TAOK3: variants seen among roughly 807,000 people sequenced by gnomAD.
TAOK3 encodes TAO kinase 3.
Under a neutral mutation model 120.4 loss-of-function variants are expected in TAOK3, and 40 were observed. That is an observed-to-expected ratio of 0.33 (90% CI 0.26 to 0.43). TAOK3 has a LOEUF of 0.43. Ranked by LOEUF, TAOK3 falls within the 20% of genes least tolerant of loss-of-function variation. TAOK3 has a pLI of 1.00. For missense variants in TAOK3, 821 were observed against 1,112.1 expected, an observed-to-expected ratio of 0.74 and a Z score of 3.72; for synonymous variants, 355 against 387.5, an observed-to-expected ratio of 0.92 and a Z score of 0.99.
chr12:118,358,937 G>A (rs1443140428), intron 1 of TAOK3: 2 of 151,892 alleles, frequency 1.3e-5, no homozygotes, highest in Non-Finnish European at 1.5e-5. Flanking sequence ...GATCTCAAAC[G>A]CATGTCCTAT....
In TAOK3 at chr12:118,160,138, C is replaced by CTGGTTA; in HGVS notation, c.2352+7_2352+8insTAACCA. The CTGGTTA allele has an allele frequency of 3.1e-6, 5 of 1,611,792 alleles. No homozygotes were observed. Among genetic ancestry groups the CTGGTTA allele is most frequent in the Middle Eastern group, 3.3e-4 (2 of 6,060 alleles). On this transcript the variant is annotated splice_region_variant and intron_variant, in intron 19 of 20. Coordinates refer to ENST00000392533, the MANE Select transcript of TAOK3 (RefSeq NM_016281.4). The surrounding 1 kb of genome is among the most constrained non-coding windows in gnomAD (Gnocchi z 4.2). ...CTCGAAGCCGTGGCACCAAACCTAA[C>CTGGTTA]CACTTACCGCTTGAGAGGCCATCAT...
intron 14 of TAOK3, among the ~76,000 whole-genome samples, chr12:118,182,190 C>A (rs1430873914): frequency 6.6e-6 from 1 of 151,234 alleles, no homozygotes; most frequent in East Asian, 1.9e-4. Context: ...CAAAAAAAAA[C>A]AACAACAACA....
At chr12:118,170,448 C>T (rs1413079404) in intron 17 of TAOK3, among the ~76,000 whole-genome samples, 1 of 152,042 alleles carries the variant, frequency 6.6e-6, no homozygotes, top group Non-Finnish European at 1.5e-5. Context: ...CAATTTTAGC[C>T]ATATCACTGC....
intron 19 of TAOK3, among the ~76,000 whole-genome samples, chr12:118,156,823 T>A (rs1168375598): frequency 6.6e-6 from 1 of 151,952 alleles, no homozygotes; most frequent in Non-Finnish European, 1.5e-5. Flanking sequence ...CAACCTCTGC[T>A]GCCTCCTGGG....
intron 3 of TAOK3, among the ~76,000 whole-genome samples, chr12:118,247,547 C>T (rs574346912): frequency 2.4e-4 from 36 of 152,174 alleles, no homozygotes; most frequent in Non-Finnish European, 4.4e-4. Flanking sequence ...CAGGATCTTG[C>T]TCTGTCATCC....
At chr12:118,151,305 A>C in intron 20 of TAOK3, 147 bp from the exon 21 acceptor site, 2 of 605,750 alleles carry the variant, frequency 3.3e-6, no homozygotes, top group Non-Finnish European at 5.6e-6. Context: ...ACACACACAC[A>C]CACACACACA....
rs767980079 is a variant in TAOK3 at position 118,151,287 on chromosome 12, G to GCACACACACACA, written c.2536-130_2536-129insTGTGTGTGTGTG. ...AGGCACACACATGAAGTGCGCGCGC[G>GCACACACACACA]CGCACACACACACACACACACACAC... On this transcript the variant is annotated intron_variant, in intron 20 of 20. Transcript: ENST00000392533. The GCACACACACACA allele has an allele frequency of 4.6e-4, 221 of 477,012 alleles. 1 individual carries two copies. Among genetic ancestry groups the GCACACACACACA allele is most frequent in the East Asian group, 2.7e-3 (82 of 30,292 alleles). The allele number at this position is 477,012 out of a possible 1,614,324, so 29.5% of individuals were successfully genotyped here.
At position 118,159,982 on chromosome 12, in the gene TAOK3, T is replaced by C. The variant is rs1002362183; in HGVS notation, c.2352+164A>G. ...TAAGACACTCCAGCAAGTATCCACA[T>C]TGGCTTGGCTTTATTCAACGTCGTC... On this transcript the variant is annotated intron_variant, in intron 19 of 20. Transcript: ENST00000392533. 12 of 639,110 alleles carry C rather than the reference T, an allele frequency of 1.9e-5. No homozygotes were observed. The African/African-American group carries it at 2.0e-4, about 11-fold the overall frequency. 39.6% of individuals were successfully genotyped at this position (639,110 alleles called of 1,614,324 possible).
At chr12:118,344,019 A>AG (rs1220364358) in intron 1 of TAOK3, among the ~76,000 whole-genome samples, 5 of 151,748 alleles carry the variant, frequency 3.3e-5, no homozygotes, top group Non-Finnish European at 7.4e-5. Context: ...AAAAAAAAAA[A>AG]AAATCCACTA....
At chr12:118,173,279 C>T (rs753547942) in intron 16 of TAOK3, among the ~76,000 whole-genome samples, 22 of 152,042 alleles carry the variant, frequency 1.4e-4, no homozygotes, top group Non-Finnish European at 2.4e-4. Flanking sequence ...GCTGGTGTAA[C>T]GTAATATGAG....
intron 11 of TAOK3, among the ~76,000 whole-genome samples, chr12:118,206,887 A>ACG (rs2038348047): frequency 1.3e-5 from 2 of 151,828 alleles, no homozygotes; most frequent in African/African-American, 4.8e-5. Context: ...GAGCCACTGC[A>ACG]CCCGGCCTCC....
At chr12:118,352,846 G>A (rs2045233946) in intron 1 of TAOK3, among the ~76,000 whole-genome samples, 1 of 152,202 alleles carries the variant, frequency 6.6e-6, no homozygotes, top group South Asian at 2.1e-4. Flanking sequence ...AAGTAGCTGG[G>A]ATTACAGGTG....
intron 17 of TAOK3, among the ~76,000 whole-genome samples, chr12:118,166,833 C>A (rs1327457158): frequency 7.7e-6 from 1 of 129,652 alleles, no homozygotes; most frequent in African/African-American, 3.0e-5. Flanking sequence ...TATATACACA[C>A]ACACACACAC....
At chr12:118,335,732 TG>T (rs2044341950) in intron 1 of TAOK3, among the ~76,000 whole-genome samples, 1 of 152,056 alleles carries the variant, frequency 6.6e-6, no homozygotes, top group Non-Finnish European at 1.5e-5. Flanking sequence ...CTTGGGAGGC[TG>T]AGGAAGAATT....
intron 1 of TAOK3, among the ~76,000 whole-genome samples, chr12:118,315,170 C>T (rs1334002304): frequency 6.6e-6 from 1 of 152,108 alleles, no homozygotes; most frequent in Non-Finnish European, 1.5e-5. Flanking sequence ...AGTGATCTGC[C>T]CGCCTTGGAC....
chr12:118,317,124 G>A (rs1339974917), intron 1 of TAOK3, among the ~76,000 whole-genome samples: 1 of 151,988 alleles, frequency 6.6e-6, no homozygotes, highest in Non-Finnish European at 1.5e-5. Flanking sequence ...TTAGCTGGGT[G>A]TGGTGGTGCA....
Position 118,243,464 on chromosome 12 carries a change from G to T in TAOK3, c.245C>A (p.Pro82His). 1 of 1,549,268 alleles carries T rather than the reference G, an allele frequency of 6.5e-7. No homozygotes were observed. The highest frequency in any genetic ancestry group is 8.6e-7 in the Non-Finnish European group (1 of 1,156,312). The change falls in exon 5 of 21, where the codon CCT (proline) becomes CAT (histidine). Residue 82 changes from proline to histidine, a missense_variant. Physicochemically the swap from Pro to His is moderately conservative, Grantham distance 77. Around this residue, in one of 2 missense-constraint regions of TAOK3, gnomAD observed 467 missense variants for 540.0 expected, o/e 0.86. Transcript: ENST00000392533. ...ACAGCCTTTGTACTCAATAGTATTA[G>T]GATGCTTCAATTGTCGTAAAAATTT... ...EVKFLRQLKH[P>H]NTIEYKGCYL...
intron 19 of TAOK3, among the ~76,000 whole-genome samples, chr12:118,155,028 ACT>A (rs1592957938): frequency 6.6e-6 from 1 of 151,478 alleles, no homozygotes; most frequent in Admixed American, 6.6e-5. Flanking sequence ...ATGGAGTCTC[ACT>A]CTGTCACCAG....
At chr12:118,368,667 G>A (rs2141329975) in intron 1 of TAOK3, among the ~76,000 whole-genome samples, 1 of 150,926 alleles carries the variant, frequency 6.6e-6, no homozygotes, top group South Asian at 2.1e-4. Context: ...TTAGCCGGGT[G>A]TGGTGGCGCA....
Sources: gnomAD v4.1 joint callset for allele counts (sites outside exome capture counted in the v4.1 genomes callset) on GRCh38, gnomAD v4.1.1 for gene constraint, gnomAD v4.1.1 regional missense constraint, Gnocchi (gnomAD v3.1) non-coding constraint, MANE v1.5 for transcripts, NCBI Gene and HGNC (gene_info 2026-07-23, HGNC 2026-07-21) for gene names.